The following SWI5 variants were observed in gnomAD, a reference collection of about 807,000 sequenced individuals.
SWI5 encodes DNA repair protein SWI5 homolog.
In SWI5, 12 loss-of-function variants were observed where a neutral mutation model predicts 17.0. The ratio of observed to expected loss-of-function variants is 0.71; its 90% CI spans 0.45 to 1.14. The LOEUF is 1.14. SWI5 is among the 50% of genes most tolerant of loss of function. SWI5 has a pLI of 0.00. For synonymous variants in SWI5, 61 were observed against 64.0 expected (o/e 0.95, Z 0.22); for missense variants, 158 against 162.2 (o/e 0.97, Z 0.14).
intron 2 of SWI5, among the ~76,000 whole-genome samples, chr9:128,279,104 C>A (rs1448842646): frequency 6.6e-6 from 1 of 152,086 alleles, no homozygotes; most frequent in African/African-American, 2.4e-5. Context: ...CTTGGGCTTG[C>A]TCCTCTCTGG....
rs200738646 is a variant in SWI5, at chr9:128,276,733, G to A, written c.89G>A (p.Cys30Tyr). 370 of 1,613,146 alleles carry A rather than the reference G, an allele frequency of 2.3e-4. 2 individuals carry two copies. The South Asian group carries it at 3.9e-3, about 17-fold the overall frequency. ...ACTGAACCAAGACTTACCCGAAGTT[G>A]CCGCGGGGCCTTCCGATCCCCTGTG... Residue 30 changes from cysteine (C) to tyrosine (Y), a missense_variant, in exon 2 of 5, where the codon TGC becomes TAC. Coordinates refer to ENST00000418976, the Ensembl canonical transcript of SWI5.
intron 1 of SWI5, 54 bp downstream of exon 1, chr9:128,276,456 C>T: frequency 6.3e-7 from 1 of 1,592,844 alleles, no homozygotes; most frequent in Non-Finnish European, 8.6e-7. Context: ...CAGCCCTGCC[C>T]CAGACTCTCC....
chr9:128,275,956 G>C (rs761322901), upstream of SWI5: 13 of 1,595,796 alleles, frequency 8.1e-6, no homozygotes, highest in South Asian at 1.4e-4. Flanking sequence ...GGCGGGGAGG[G>C]AGGCGGGGTT....
At chr9:128,275,709 G>A (rs1039267991), upstream of SWI5, among the ~76,000 whole-genome samples, 3 of 152,182 alleles carry the variant, frequency 2.0e-5, no homozygotes, top group Admixed American at 6.5e-5. Flanking sequence ...GGCGACTGGC[G>A]AGGGCGGGGG....
rs761077465 is a variant in SWI5 at position 128,288,641 on chromosome 9, C to A, written c.329-11C>A. 1.9e-6 allele frequency: 3 copies of A among 1,614,024 alleles called. No homozygotes were observed. The African/African-American group carries it at 4.0e-5, about 22-fold the overall frequency. On this transcript the variant is annotated splice_polypyrimidine_tract_variant and intron_variant, in intron 4 of 4. Transcript: ENST00000418976. ...CCCACTGCACATTCAGCCTGCCTTC[C>A]TTCCTTTCAGCTGTGATCCGAGGTG...
At chr9:128,280,189 C>T (rs975854587) in intron 2 of SWI5, among the ~76,000 whole-genome samples, 6 of 152,064 alleles carry the variant, frequency 3.9e-5, no homozygotes, top group African/African-American at 7.2e-5. Flanking sequence ...CACACATTTC[C>T]GGGTGGCTCT....
chr9:128,277,970 T>TG (rs1857178330), intron 2 of SWI5, among the ~76,000 whole-genome samples: 1 of 88,120 alleles, frequency 1.1e-5, no homozygotes, highest in Admixed American at 1.2e-4. Context: ...TTTTTTTTTT[T>TG]GAGACACAGT....
At chr9:128,288,199 G>A (rs999148593) in intron 4 of SWI5, among the ~76,000 whole-genome samples, 4 of 152,108 alleles carry the variant, frequency 2.6e-5, no homozygotes, top group Non-Finnish European at 5.9e-5. Flanking sequence ...GAACAGAGGA[G>A]GAATAGCATC....
chr9:128,285,228 AAAGG>A lies in SWI5; in HGVS notation c.233+602_233+605del, dbSNP rs1291374449. 1.3e-5 allele frequency among the ~76,000 whole-genome samples: 2 copies of A among 149,522 alleles called. No individual in the cohort carries two copies. The highest frequency in any genetic ancestry group is 3.0e-5 in the Non-Finnish European group (2 of 67,340). The stretch of plus-strand genomic sequence containing the variant: ...GGAAAGAAAAAGGAAGGAAGGAAAG[AAAGG>A]AAGGGAAAGAAGGAAAGGGGGGAAG... On this transcript the variant is annotated intron_variant, in intron 3 of 4. Transcript: ENST00000418976. This position sits in a 1 kb window ranked among gnomAD's most constrained non-coding sequence, Gnocchi z 4.8.
In SWI5 at chr9:128,285,286, GAAGGAAGGA is replaced by G. The variant is rs1831619444; in HGVS notation, c.234-642_234-634del. Among the ~76,000 whole-genome samples, 2 of 151,568 alleles carry G rather than the reference GAAGGAAGGA, an allele frequency of 1.3e-5. No homozygotes were observed. Among genetic ancestry groups the G allele is most frequent in the Non-Finnish European group, 2.9e-5 (2 of 67,830 alleles). On this transcript the variant is annotated intron_variant, in intron 3 of 4. Transcript: ENST00000418976. This position sits in a 1 kb window ranked among gnomAD's most constrained non-coding sequence, Gnocchi z 4.8. ...AGGGAAGGAAGGAAGGGAAAGGAAGGAAGGAAGGAAAGGAAGGAAGGAAGAAAGAAAGGA... is the reference window on the plus strand; with the variant it reads ...AGGGAAGGAAGGAAGGGAAAGGAAGGAAGGAAGGAAGGAAGAAAGAAAGGA...
At chr9:128,278,693 GAGT>G in intron 2 of SWI5, 1 of 471,646 alleles carries the variant, frequency 2.1e-6, no homozygotes, top group South Asian at 1.5e-5. Context: ...TGAGGCCTGT[GAGT>G]TCCAGAGAGA....
chr9:128,288,860 G>A, exon 5 of SWI5: 1 of 867,294 alleles, frequency 1.2e-6, no homozygotes, highest in East Asian at 2.5e-5. Flanking sequence ...AGCCCAATCA[G>A]GAGGAGGCTA....
At chr9:128,283,829 A>G (rs1028166515) in intron 2 of SWI5, among the ~76,000 whole-genome samples, 3 of 152,118 alleles carry the variant, frequency 2.0e-5, no homozygotes, top group African/African-American at 4.8e-5. Context: ...TGGGAGGACA[A>G]TTCCCAGTCA....
Position 128,285,544 on chromosome 9 carries a change from G to A in SWI5, c.234-395G>A, listed in dbSNP as rs147419093. Reference sequence around the variant, plus strand: ...GTGTAGGGAAAGCTGGCTCTTGAACGCCTCCTGGAGTTCCCCACACCTCTT... The same window carrying A: ...GTGTAGGGAAAGCTGGCTCTTGAACACCTCCTGGAGTTCCCCACACCTCTT... On this transcript the variant is annotated intron_variant, in intron 3 of 4. Coordinates refer to ENST00000418976, the Ensembl canonical transcript of SWI5. This position sits in a 1 kb window ranked among gnomAD's most constrained non-coding sequence, Gnocchi z 4.8. Among the ~76,000 whole-genome samples the A allele has an allele frequency of 1.8e-3, 270 of 152,264 alleles. No individual in the cohort carries two copies. The highest frequency in any genetic ancestry group is 6.2e-3 in the African/African-American group (257 of 41,550).
At chr9:128,275,910 C>T (rs938150219), upstream of SWI5, 2 of 1,581,944 alleles carry the variant, frequency 1.3e-6, no homozygotes, top group Non-Finnish European at 8.6e-7. Flanking sequence ...TTCGCTGCGG[C>T]CAATTTGCTC....
chr9:128,275,611 C>A (rs2131404013), upstream of SWI5: 1 of 858,208 alleles, frequency 1.2e-6, no homozygotes, highest in Non-Finnish European at 1.7e-6. Flanking sequence ...GCCCAAAGAG[C>A]CCAGGGAGGT....
At chr9:128,280,643 G>A (rs1424705189) in intron 2 of SWI5, among the ~76,000 whole-genome samples, 2 of 151,852 alleles carry the variant, frequency 1.3e-5, no homozygotes, top group African/African-American at 4.8e-5. Context: ...TCAGCCTCCC[G>A]ACTAGCTGGG....
At chr9:128,286,009 G>A (rs551751889) in exon 4 of SWI5, 3 of 1,613,980 alleles carry the variant, frequency 1.9e-6, no homozygotes, top group South Asian at 2.2e-5. Context: ...CAAGGATGTG[G>A]GGCAGATGCT....
upstream of SWI5, chr9:128,275,832 G>A: frequency 1.1e-6 from 1 of 880,898 alleles, no homozygotes; most frequent in Middle Eastern, 2.2e-4. Flanking sequence ...CTCTGGCCAT[G>A]GTCCTGCCAT....
Sources: allele counts gnomAD v4.1 joint callset (sites outside exome capture counted in the v4.1 genomes callset), GRCh38; gene constraint gnomAD v4.1.1; non-coding constraint Gnocchi (gnomAD v3.1); transcripts MANE v1.5; gene names NCBI Gene and HGNC (gene_info 2026-07-23, HGNC 2026-07-21).